CNTN5: variants seen among roughly 807,000 people sequenced by gnomAD.
The protein encoded by CNTN5 is contactin-5.
A neutral mutation model predicts 129.1 loss-of-function variants in CNTN5; 77 were observed. That is an observed-to-expected ratio of 0.60 (90% confidence interval 0.50 to 0.72). The LOEUF is 0.72. CNTN5 is among the 30% of genes least tolerant of loss of function. CNTN5 has a pLI of 0.00. For missense variants in CNTN5, 1,478 were observed against 1,328.8 expected (o/e 1.11, Z -1.75); for synonymous variants, 509 against 465.6 (o/e 1.09, Z -1.20).
Position 99,185,871 on chromosome 11 carries a change from TAACCCATCAAAATTA to T in CNTN5, c.-209-139473_-209-139459del, listed in dbSNP as rs1858325574. Reference sequence around the variant, plus strand: ...GAGAAATGTTATCACAATTTAAAAATAACCCATCAAAATTAAGGAGAGGAAATAAAATAAAGAGAA... The same window carrying T: ...GAGAAATGTTATCACAATTTAAAAATAGGAGAGGAAATAAAATAAAGAGAA... On this transcript the variant is annotated intron_variant, in intron 1 of 24. Transcript: ENST00000524871. Among the ~76,000 whole-genome samples the T allele has an allele frequency of 2.2e-4, 22 of 100,604 alleles. No homozygotes were observed. The Admixed American group carries it at 2.4e-3, about 11-fold the overall frequency. The allele number at this position is 100,604 out of a possible 152,430, so 66.0% of individuals were successfully genotyped here.
chr11:100,258,852 T>TA (rs1422938551), intron 17 of CNTN5, among the ~76,000 whole-genome samples: 2 of 152,258 alleles, frequency 1.3e-5, no homozygotes, highest in Admixed American at 1.3e-4. Flanking sequence ...TACCAAATTG[T>TA]AAAGACCATC....
chr11:99,938,179 C>A (rs1268940698), intron 7 of CNTN5, among the ~76,000 whole-genome samples: 1 of 152,062 alleles, frequency 6.6e-6, no homozygotes, highest in African/African-American at 2.4e-5. Context: ...TCTGTAGGTT[C>A]ATAGGACAAG....
At position 99,258,713 on chromosome 11, in the gene CNTN5, T is replaced by C. The variant is rs530435776; in HGVS notation, c.-209-66633T>C. Among the ~76,000 whole-genome samples the C allele has an allele frequency of 1.2e-4, 18 of 152,064 alleles. No individual in the cohort carries two copies. In the South Asian group the frequency reaches 3.7e-3, roughly 32 times the overall value. ...TTATACGTTGTATCTAGGTTTTTTC[T>C]TATTTATGCATTTTTGCTAGTTGGG... On this transcript the variant is annotated intron_variant, in intron 1 of 24. Transcript: ENST00000524871.
At chr11:99,023,510 CA>C (rs1862978270) in intron 1 of CNTN5, among the ~76,000 whole-genome samples, 1 of 151,624 alleles carries the variant, frequency 6.6e-6, no homozygotes, top group Admixed American at 6.6e-5. Flanking sequence ...TACTTCTAGA[CA>C]AAATAAAGGC....
chr11:99,887,774 A>C (rs1257796904), intron 6 of CNTN5, among the ~76,000 whole-genome samples: 1 of 152,226 alleles, frequency 6.6e-6, no homozygotes, highest in Non-Finnish European at 1.5e-5. Flanking sequence ...CAGGAGAAAG[A>C]TGAAACTGAA....
chr11:99,074,388 C>A (rs373418887), intron 1 of CNTN5, among the ~76,000 whole-genome samples: 3 of 152,260 alleles, frequency 2.0e-5, no homozygotes, highest in African/African-American at 7.2e-5. Flanking sequence ...TAATTAGATC[C>A]AATTAGTCAA....
chr11:99,354,951 T>C (rs1938540577), intron 2 of CNTN5, among the ~76,000 whole-genome samples: 1 of 152,152 alleles, frequency 6.6e-6, no homozygotes, highest in Admixed American at 6.5e-5. Context: ...CTAAATACTA[T>C]GGACAGACAG....
chr11:99,932,948 T>G (rs1000434952), intron 7 of CNTN5, among the ~76,000 whole-genome samples: 3 of 152,222 alleles, frequency 2.0e-5, no homozygotes, highest in African/African-American at 2.4e-5. Flanking sequence ...TTTTTCCTAC[T>G]CGATGTAGGC....
At chr11:99,959,554 A>G (rs1448586068) in intron 8 of CNTN5, among the ~76,000 whole-genome samples, 1 of 152,162 alleles carries the variant, frequency 6.6e-6, no homozygotes, top group Non-Finnish European at 1.5e-5. Context: ...ACTATAAGTC[A>G]TTGCTTCTTA....
At chr11:99,076,703 TA>T (rs111366494) in intron 1 of CNTN5, among the ~76,000 whole-genome samples, 21 of 151,468 alleles carry the variant, frequency 1.4e-4, no homozygotes, top group African/African-American at 4.8e-4. Flanking sequence ...CATGATTTGT[TA>T]AAAAAAAAGT....
At chr11:99,032,600 T>A (rs1281749656) in intron 1 of CNTN5, among the ~76,000 whole-genome samples, 1 of 152,184 alleles carries the variant, frequency 6.6e-6, no homozygotes, top group African/African-American at 2.4e-5. Flanking sequence ...CTTCACCCAC[T>A]TTTTGATGGG....
intron 7 of CNTN5, among the ~76,000 whole-genome samples, chr11:99,955,567 C>A (rs555375121): frequency 6.6e-6 from 1 of 151,390 alleles, no homozygotes; most frequent in African/African-American, 2.4e-5. Flanking sequence ...TGTAATTTCC[C>A]CTTTTTTTTT....
At chr11:100,315,188 C>T (rs1271427667) in intron 21 of CNTN5, among the ~76,000 whole-genome samples, 1 of 152,136 alleles carries the variant, frequency 6.6e-6, no homozygotes, top group Non-Finnish European at 1.5e-5. Context: ...TCAGAGGCTT[C>T]CCCTGGTAGC....
intron 1 of CNTN5, among the ~76,000 whole-genome samples, chr11:99,047,443 T>C (rs1367479420): frequency 1.3e-5 from 2 of 150,342 alleles, no homozygotes; most frequent in African/African-American, 4.9e-5. Context: ...AATAAGGGCA[T>C]TTAAATTGAA....
intron 1 of CNTN5, among the ~76,000 whole-genome samples, chr11:99,166,277 C>G (rs1484679254): frequency 6.6e-6 from 1 of 151,862 alleles, no homozygotes; most frequent in African/African-American, 2.4e-5. Context: ...TGGCACGCAC[C>G]TGTAGTCCCA....
At chr11:100,103,954 G>C (rs1299990810) in intron 13 of CNTN5, among the ~76,000 whole-genome samples, 1 of 152,170 alleles carries the variant, frequency 6.6e-6, no homozygotes, top group African/African-American at 2.4e-5. Flanking sequence ...AGTAGAACTT[G>C]TGAAACCCTT....
At chr11:99,364,637 T>C (rs1441380740) in intron 2 of CNTN5, among the ~76,000 whole-genome samples, 1 of 152,068 alleles carries the variant, frequency 6.6e-6, no homozygotes, top group Non-Finnish European at 1.5e-5. Flanking sequence ...AGTATAAAGG[T>C]TCGTGAAAAA....
At chr11:99,102,788 C>T (rs1184856087) in intron 1 of CNTN5, among the ~76,000 whole-genome samples, 2 of 152,084 alleles carry the variant, frequency 1.3e-5, no homozygotes, top group Admixed American at 1.3e-4. Flanking sequence ...CAAACTGTTC[C>T]AACCTCTGCC....
intron 4 of CNTN5, chr11:99,844,494 C>T: frequency 3.2e-6 from 1 of 315,270 alleles, no homozygotes; most frequent in East Asian, 1.1e-4. Flanking sequence ...TTTTAACATT[C>T]TAAGAATTTT....
Sources: allele counts gnomAD v4.1 joint callset (sites outside exome capture counted in the v4.1 genomes callset), GRCh38; gene constraint gnomAD v4.1.1; transcripts MANE v1.5; gene names NCBI Gene and HGNC (gene_info 2026-07-23, HGNC 2026-07-21).